SUSD4: variants seen among roughly 807,000 people sequenced by gnomAD.
SUSD4 encodes sushi domain containing 4.
SUSD4 carries 41 observed loss-of-function variants against 50.5 expected under a neutral mutation model. That is an observed-to-expected ratio of 0.81 (90% CI 0.63 to 1.05). SUSD4 has a LOEUF of 1.05. Ranked by LOEUF, SUSD4 falls within the 50% of genes least tolerant of loss-of-function variation. SUSD4 has a pLI of 0.00. For synonymous variants in SUSD4, 257 were observed against 257.3 expected (o/e 1.00, Z 0.01); for missense variants, 580 against 634.7 (o/e 0.91, Z 0.93).
intron 2 of SUSD4, among the ~76,000 whole-genome samples, chr1:223,359,437 C>CT (rs1286715120): frequency 6.6e-6 from 1 of 152,228 alleles, no homozygotes; most frequent in African/African-American, 2.4e-5. Flanking sequence ...ATCCTAAGTG[C>CT]TACCTCTTCT....
chr1:223,289,518 G>A (rs1664350090), intron 3 of SUSD4, among the ~76,000 whole-genome samples: 1 of 152,172 alleles, frequency 6.6e-6, no homozygotes, highest in Non-Finnish European at 1.5e-5. Flanking sequence ...CCTTGCTTCT[G>A]TAGAGCACTT....
intron 2 of SUSD4, among the ~76,000 whole-genome samples, chr1:223,311,763 T>C (rs1052974737): frequency 6.6e-5 from 10 of 152,218 alleles, no homozygotes; most frequent in African/African-American, 2.4e-4. Flanking sequence ...CTTTCTCTAG[T>C]GTCGAAATGC....
intron 2 of SUSD4, among the ~76,000 whole-genome samples, chr1:223,322,155 A>ATAT (rs2103248592): frequency 6.6e-6 from 1 of 152,186 alleles, no homozygotes; most frequent in Admixed American, 6.5e-5. Flanking sequence ...AGATTGTGAG[A>ATAT]TATTTATAAC....
intron 2 of SUSD4, among the ~76,000 whole-genome samples, chr1:223,328,605 C>T (rs936132185): frequency 6.6e-6 from 1 of 152,202 alleles, no homozygotes; most frequent in Non-Finnish European, 1.5e-5. Context: ...AGACAATGCT[C>T]GCTGTTGCCT....
intron 2 of SUSD4, among the ~76,000 whole-genome samples, chr1:223,328,110 T>G (rs1463186420): frequency 6.6e-6 from 1 of 151,490 alleles, no homozygotes; most frequent in African/African-American, 2.4e-5. Flanking sequence ...AAAAAAAAAG[T>G]TTTTAAAAGA....
chr1:223,364,696 T>C (rs1317929416), upstream of SUSD4, among the ~76,000 whole-genome samples: 1 of 150,932 alleles, frequency 6.6e-6, no homozygotes, highest in African/African-American at 2.4e-5. The surrounding 1 kb of genome is among the most constrained non-coding windows in gnomAD (Gnocchi z 4.5). Flanking sequence ...GGGAGAGCGC[T>C]CCGCCCTAGA....
intron 4 of SUSD4, among the ~76,000 whole-genome samples, chr1:223,268,021 A>ATATATT (rs1662626290): frequency 1.2e-5 from 1 of 80,940 alleles, no homozygotes; most frequent in African/African-American, 3.9e-5. Context: ...TTTTATATAT[A>ATATATT]TATATATATA....
chr1:223,250,863 G>A (rs1661257080), intron 5 of SUSD4, among the ~76,000 whole-genome samples: 3 of 152,194 alleles, frequency 2.0e-5, no homozygotes, highest in African/African-American at 7.2e-5. Context: ...AAAGGATGCT[G>A]GCCAACTGGG....
In SUSD4 at chr1:223,227,871, G is replaced by A. The variant is rs1277674767; in HGVS notation, c.917-133C>T. 2.0e-5 allele frequency: 23 copies of A among 1,160,264 alleles called. No individual in the cohort carries two copies. Among genetic ancestry groups the A allele is most frequent in the East Asian group, 1.8e-4 (7 of 38,386 alleles). The allele number at this position is 1,160,264 out of a possible 1,614,324, so 71.9% of individuals were successfully genotyped here. A position where few individuals can be genotyped will look rare whatever the true frequency, so the allele number is the denominator to read the frequency against. On this transcript the variant is annotated intron_variant, in intron 6 of 8. Coordinates refer to ENST00000366878, the MANE Select transcript of SUSD4 (RefSeq NM_017982.4). This position sits in a 1 kb window ranked among gnomAD's most constrained non-coding sequence, Gnocchi z 4.5. Reference sequence around the variant, plus strand: ...AAGGTGCCTCTGACCCCCAGGGCTCGGCAGAGATACCATGTGCCCCTGTAG... The same window carrying A: ...AAGGTGCCTCTGACCCCCAGGGCTCAGCAGAGATACCATGTGCCCCTGTAG...
At position 223,306,962 on chromosome 1, in the gene SUSD4, T is replaced by TTG. The variant is rs1553302237; in HGVS notation, c.149-14312_149-14311insCA. On this transcript the variant is annotated intron_variant, in intron 2 of 8. Transcript: ENST00000366878. ...AGGCATATGGATGAGTTTTTTTTTTTGGGGGGGGGTGTCCCTTCCACTTCT... is the reference window on the plus strand; with the variant it reads ...AGGCATATGGATGAGTTTTTTTTTTTTGGGGGGGGGGTGTCCCTTCCACTTCT... Among the ~76,000 whole-genome samples the TTG allele has an allele frequency of 9.9e-4, 148 of 149,198 alleles. 1 individual carries two copies. Among genetic ancestry groups the TTG allele is most frequent in the South Asian group, 3.2e-3 (15 of 4,664 alleles).
intron 7 of SUSD4, among the ~76,000 whole-genome samples, chr1:223,224,840 G>A (rs1442192529): frequency 6.8e-6 from 1 of 146,864 alleles, no homozygotes; most frequent in Non-Finnish European, 1.5e-5. Context: ...CTAATAAGTA[G>A]CCAATAGAAC....
chr1:223,228,484 G>C (rs1347897304), intron 6 of SUSD4, among the ~76,000 whole-genome samples: 1 of 152,198 alleles, frequency 6.6e-6, no homozygotes, highest in Non-Finnish European at 1.5e-5. Context: ...CCCCAGCCTG[G>C]AAAGGGCTGG....
intron 2 of SUSD4, among the ~76,000 whole-genome samples, chr1:223,355,133 G>A (rs1273882447): frequency 6.6e-6 from 1 of 150,722 alleles, no homozygotes; most frequent in East Asian, 2.0e-4. Context: ...GGAGTTCAGT[G>A]GCACAATCTC....
At chr1:223,294,364 A>G (rs1017273098) in intron 2 of SUSD4, among the ~76,000 whole-genome samples, 2 of 152,196 alleles carry the variant, frequency 1.3e-5, no homozygotes, top group Non-Finnish European at 2.9e-5. Flanking sequence ...GGATGCTCAG[A>G]TATCGAACTC....
intron 2 of SUSD4, among the ~76,000 whole-genome samples, chr1:223,302,040 C>A (rs111736952): frequency 0.28 from 42,320 of 152,000 alleles, 7,358 homozygotes; most frequent in Non-Finnish European, 0.4. Flanking sequence ...GGGGTGGTTT[C>A]TAATGGTTTA....
Position 223,332,638 on chromosome 1 carries a change from A to G in SUSD4, c.148+30640T>C, listed in dbSNP as rs1323955486. On this transcript the variant is annotated intron_variant, in intron 2 of 8. Coordinates refer to ENST00000366878, the MANE Select transcript of SUSD4 (RefSeq NM_017982.4). This position sits in a 1 kb window ranked among gnomAD's most constrained non-coding sequence, Gnocchi z 4.0. ...AAACATGGCCTGACCACACTGTAGC[A>G]AGTAATTCTGCAATTCTCAGTGACT... Among the ~76,000 whole-genome samples the G allele has an allele frequency of 6.6e-6, 1 of 152,202 alleles. No homozygotes were observed. Among genetic ancestry groups the G allele is most frequent in the East Asian group, 1.9e-4 (1 of 5,202 alleles).
At chr1:223,360,955 T>C (rs999867604) in intron 2 of SUSD4, among the ~76,000 whole-genome samples, 1 of 152,190 alleles carries the variant, frequency 6.6e-6, no homozygotes. Flanking sequence ...AGCAACTTAT[T>C]TTAAGGAATG....
chr1:223,268,011 TTTTATATATATA>T (rs1296799054), intron 4 of SUSD4, among the ~76,000 whole-genome samples: 1 of 7,668 alleles, frequency 1.3e-4, no homozygotes, highest in African/African-American at 5.8e-4. Context: ...TTCATGCATT[TTTTATATATATA>T]TATATATATA....
At chr1:223,263,578 C>A in intron 5 of SUSD4, 5 of 985,298 alleles carry the variant, frequency 5.1e-6, no homozygotes, top group Non-Finnish European at 6.0e-6. Flanking sequence ...ATGACAAAAC[C>A]AATGGGAAGG....
Sources: allele counts gnomAD v4.1 joint callset (sites outside exome capture counted in the v4.1 genomes callset), GRCh38; gene constraint gnomAD v4.1.1; non-coding constraint Gnocchi (gnomAD v3.1); transcripts MANE v1.5; gene names NCBI Gene and HGNC (gene_info 2026-07-23, HGNC 2026-07-21).